The following POU6F2 variants were observed in gnomAD, a reference collection of about 807,000 sequenced individuals.
POU6F2 encodes the protein POU domain, class 6, transcription factor 2.
Under a neutral mutation model 71.3 loss-of-function variants are expected in POU6F2, and 31 were observed. The observed-to-expected ratio is 0.43, with a 90% CI of 0.33 to 0.59. The LOEUF (loss-of-function observed/expected upper bound fraction) is 0.59. Among genes scored for constraint, POU6F2 ranks in the 20% least tolerant of loss-of-function variants. The pLI is 0.04. For synonymous variants in POU6F2, 347 were observed against 355.7 expected (o/e 0.98, Z 0.27); for missense variants, 783 against 856.8 (o/e 0.91, Z 1.07).
chr7:39,060,519 A>G (rs1020433940), intron 1 of POU6F2, among the ~76,000 whole-genome samples: 23 of 152,228 alleles, frequency 1.5e-4, no homozygotes, highest in Admixed American at 3.3e-4. Flanking sequence ...AACTAAATAT[A>G]TGAAAATCTA....
At chr7:39,157,550 A>T (rs572449540) in intron 2 of POU6F2, among the ~76,000 whole-genome samples, 2 of 152,214 alleles carry the variant, frequency 1.3e-5, no homozygotes, top group African/African-American at 4.8e-5. Context: ...GTGAAGTGGC[A>T]TCCTTCATAT....
chr7:39,378,040 G>T (rs1583560889), intron 5 of POU6F2, among the ~76,000 whole-genome samples: 1 of 152,158 alleles, frequency 6.6e-6, no homozygotes, highest in South Asian at 2.1e-4. Context: ...AGAATATTTT[G>T]TGCCACTAAT....
At chr7:39,422,884 C>A (rs1228943132) in intron 6 of POU6F2, among the ~76,000 whole-genome samples, 1 of 152,114 alleles carries the variant, frequency 6.6e-6, no homozygotes, top group Non-Finnish European at 1.5e-5. Context: ...TCAGAATAGA[C>A]AGATATTTCT....
Position 39,237,506 on chromosome 7 carries a change from G to A in POU6F2, c.598+29886G>A, listed in dbSNP as rs1273441253. ...AACATGAAATACAGCTAACAATTAC[G>A]TGTTCGCTGTGTCCCTTTCTTTATG... is the stretch of plus-strand genomic sequence containing the variant. On this transcript the variant is annotated intron_variant, in intron 4 of 9. Transcript: ENST00000518318. Among the ~76,000 whole-genome samples the A allele has an allele frequency of 2.6e-5, 4 of 152,112 alleles. No homozygotes were observed. The South Asian group carries it at 6.2e-4, about 24-fold the overall frequency.
intron 5 of POU6F2, chr7:39,373,467 T>G (rs1257713921): frequency 2.2e-6 from 1 of 456,582 alleles, no homozygotes; most frequent in African/African-American, 2.0e-5. Flanking sequence ...ATGTTTCTTT[T>G]GCTCTGAAGA....
chr7:39,134,151 C>T (rs1341122626), intron 2 of POU6F2, among the ~76,000 whole-genome samples: 2 of 152,222 alleles, frequency 1.3e-5, no homozygotes, highest in African/African-American at 4.8e-5. Context: ...GCTGGTATTA[C>T]AGGCATGAGC....
chr7:39,163,494 A>T (rs1330993338), intron 2 of POU6F2, among the ~76,000 whole-genome samples: 2 of 152,194 alleles, frequency 1.3e-5, no homozygotes, highest in East Asian at 3.8e-4. Context: ...AATCCCTTAA[A>T]ACCTCTTTTG....
rs1349409947 is a variant in POU6F2 at position 39,468,278 on chromosome 7, C to T, written c.*3592C>T. On this transcript the variant is annotated 3_prime_UTR_variant, in exon 10 of 10. Coordinates refer to ENST00000518318, the MANE Select transcript of POU6F2 (RefSeq NM_001370959.1). ...GGCACCACAAAGAGATCTGCTTCTC[C>T]GTGCCCGGAGCAGGCAGCAGGAGGG... is the stretch of plus-strand genomic sequence containing the variant. The T allele has an allele frequency of 6.6e-6, 1 of 151,482 alleles. No homozygotes were observed. The highest frequency in any genetic ancestry group is 2.4e-5 in the African/African-American group (1 of 41,238). 9.4% of individuals were successfully genotyped at this position (151,482 alleles called of 1,614,324 possible). A position where few individuals can be genotyped will look rare whatever the true frequency, so the allele number is the denominator to read the frequency against.
At chr7:39,139,568 G>A (rs1792455482) in intron 2 of POU6F2, among the ~76,000 whole-genome samples, 2 of 152,148 alleles carry the variant, frequency 1.3e-5, no homozygotes, top group Non-Finnish European at 2.9e-5. Flanking sequence ...TAATACTCTG[G>A]ATGCTGTTTT....
chr7:39,330,163 A>G (rs895863495), intron 4 of POU6F2, among the ~76,000 whole-genome samples: 5 of 152,152 alleles, frequency 3.3e-5, no homozygotes, highest in African/African-American at 1.2e-4. Flanking sequence ...AAAGACTTCC[A>G]GTTTATCTCT....
At chr7:39,116,340 A>G (rs942331167) in intron 2 of POU6F2, among the ~76,000 whole-genome samples, 3 of 152,208 alleles carry the variant, frequency 2.0e-5, no homozygotes, top group Admixed American at 2.0e-4. Context: ...AGCCGTGATC[A>G]TGCCACTGTA....
intron 2 of POU6F2, among the ~76,000 whole-genome samples, chr7:39,144,230 T>A (rs1430357787): frequency 6.6e-6 from 1 of 152,208 alleles, no homozygotes; most frequent in East Asian, 1.9e-4. Flanking sequence ...AAAAGCTCAC[T>A]TATGATAAGA....
chr7:39,186,654 C>T (rs1366168041), intron 2 of POU6F2, among the ~76,000 whole-genome samples: 4 of 152,206 alleles, frequency 2.6e-5, no homozygotes, highest in Non-Finnish European at 4.4e-5. Flanking sequence ...TTTCATTCTT[C>T]TTCCACTACC....
chr7:39,000,301 G>A (rs536863786), intron 1 of POU6F2, among the ~76,000 whole-genome samples: 7 of 152,152 alleles, frequency 4.6e-5, no homozygotes, highest in Admixed American at 1.3e-4. Context: ...CAGAATATGC[G>A]TGCTTTTCTA....
chr7:39,240,565 G>A (rs560240137), intron 4 of POU6F2, among the ~76,000 whole-genome samples: 1 of 152,070 alleles, frequency 6.6e-6, no homozygotes, highest in African/African-American at 2.4e-5. Context: ...GCATAAGACC[G>A]GAGGAATCTA....
intron 1 of POU6F2, among the ~76,000 whole-genome samples, chr7:39,068,402 AT>A (rs1301192549): frequency 1.3e-5 from 2 of 152,022 alleles, no homozygotes; most frequent in Admixed American, 6.6e-5. Context: ...AAAGTGAATT[AT>A]AAAAGCAGGA....
At chr7:39,073,270 G>T (rs1790923481) in intron 1 of POU6F2, among the ~76,000 whole-genome samples, 2 of 149,462 alleles carry the variant, frequency 1.3e-5, no homozygotes, top group South Asian at 4.2e-4. Flanking sequence ...GAGATTTAAA[G>T]AAATATTTAC....
intron 2 of POU6F2, among the ~76,000 whole-genome samples, chr7:39,118,074 C>T (rs193201247): frequency 4.5e-4 from 68 of 152,184 alleles, no homozygotes; most frequent in African/African-American, 1.5e-3. Context: ...CTTATAATAC[C>T]GCCTTTCCCA....
At chr7:39,434,099 C>G (rs887014) in intron 7 of POU6F2, among the ~76,000 whole-genome samples, 51,193 of 151,876 alleles carry the variant, frequency 0.34, 9,642 homozygotes, top group East Asian at 0.58. Flanking sequence ...TCTGCCCGGA[C>G]AGTTTTTAGT....
Sources: gnomAD v4.1 joint callset for allele counts (sites outside exome capture counted in the v4.1 genomes callset) on GRCh38, gnomAD v4.1.1 for gene constraint, MANE v1.5 for transcripts, NCBI Gene and HGNC (gene_info 2026-07-23, HGNC 2026-07-21) for gene names.